KCNAB2: variants seen among roughly 807,000 people sequenced by gnomAD.
KCNAB2 encodes the protein voltage-gated potassium channel subunit beta-2.
A neutral mutation model predicts 63.6 loss-of-function variants in KCNAB2; 29 were observed. The ratio of observed to expected loss-of-function variants is 0.46; its 90% CI spans 0.34 to 0.62. The LOEUF is 0.62. Among genes scored for constraint, KCNAB2 ranks in the 20% least tolerant of loss-of-function variants. The pLI is 0.01. For missense variants in KCNAB2, 359 were observed against 563.9 expected (o/e 0.64, Z 3.68); for synonymous variants, 222 against 224.2 (o/e 0.99, Z 0.09).
intron 1 of KCNAB2, chr1:6,026,096 G>A (rs527980784): frequency 6.5e-6 from 1 of 152,868 alleles, no homozygotes; most frequent in South Asian, 2.0e-4. Context: ...GCCGCTTGGG[G>A]ACAGGCCCGG....
chr1:6,100,289 T>C lies in KCNAB2; in HGVS notation c.*1715T>C. On this transcript the variant is annotated 3_prime_UTR_variant, in exon 16 of 16. Coordinates refer to ENST00000378083, the MANE Select transcript of KCNAB2 (RefSeq NM_001199862.2). ...ATGCTGCCCCTGGCGCCTAGAACCCTTGCCCCTCCTCATAGACCAAGTCCC... is the reference window on the plus strand; with the variant it reads ...ATGCTGCCCCTGGCGCCTAGAACCCCTGCCCCTCCTCATAGACCAAGTCCC... 2.3e-6 allele frequency: 1 copy of C among 438,148 alleles called. No individual in the cohort carries two copies. Among genetic ancestry groups the C allele is most frequent in the Non-Finnish European group, 3.9e-6 (1 of 255,204 alleles). The allele number at this position is 438,148 out of a possible 1,614,324, so 27.1% of individuals were successfully genotyped here. A position where few individuals can be genotyped will look rare whatever the true frequency, so the allele number is the denominator to read the frequency against.
chr1:6,094,630 G>C (rs1160085508), intron 11 of KCNAB2, 145 bp downstream of exon 11: 10 of 655,926 alleles, frequency 1.5e-5, no homozygotes, highest in Non-Finnish European at 2.4e-5. Flanking sequence ...CAGGATGGTG[G>C]AGTGTGGTGG....
At chr1:6,076,615 A>C (rs946849398) in intron 4 of KCNAB2, among the ~76,000 whole-genome samples, 7 of 152,192 alleles carry the variant, frequency 4.6e-5, no homozygotes, top group African/African-American at 1.7e-4. Flanking sequence ...AAACAGGTGC[A>C]GGGGCCTCAC....
intron 1 of KCNAB2, among the ~76,000 whole-genome samples, chr1:6,046,397 G>T (rs992588519): frequency 6.6e-6 from 1 of 152,194 alleles, no homozygotes; most frequent in Non-Finnish European, 1.5e-5. Context: ...GTGGTGGGCG[G>T]CAGGTTTCAG....
chr1:6,062,072 GA>G (rs150354405), intron 2 of KCNAB2, among the ~76,000 whole-genome samples: 4,998 of 152,234 alleles, frequency 0.033, 269 homozygotes, highest in African/African-American at 0.11. Flanking sequence ...CAGCATTTTA[GA>G]AGCCCAAGGC....
chr1:6,036,671 C>A (rs914908582), intron 1 of KCNAB2, among the ~76,000 whole-genome samples: 2 of 151,982 alleles, frequency 1.3e-5, no homozygotes, highest in African/African-American at 4.8e-5. Flanking sequence ...ACTGTGGGGC[C>A]GGTTCACTGG....
chr1:6,097,365 T>C lies in KCNAB2; in HGVS notation c.1158+8T>C, dbSNP rs1010617295. The C allele has an allele frequency of 6.4e-6, 10 of 1,550,580 alleles. No individual in the cohort carries two copies. Among genetic ancestry groups the C allele is most frequent in the Non-Finnish European group, 8.7e-6 (10 of 1,147,098 alleles). ...AACATTGGGGCAATACAGGTAAGAG[T>C]GAGAGGCCCTGCTGGGCAGAGGGCC... On this transcript the variant is annotated splice_region_variant and intron_variant, in intron 15 of 15. Transcript: ENST00000378083.
chr1:6,047,322 G>A (rs546524328), intron 1 of KCNAB2, among the ~76,000 whole-genome samples: 13 of 152,258 alleles, frequency 8.5e-5, no homozygotes, highest in East Asian at 3.9e-4. Flanking sequence ...CTAGAGTCTC[G>A]GCAAAAGCCC....
At chr1:6,015,894 C>T (rs998085498) in intron 1 of KCNAB2, among the ~76,000 whole-genome samples, 11 of 152,104 alleles carry the variant, frequency 7.2e-5, no homozygotes, top group Admixed American at 3.9e-4. Flanking sequence ...TTTGTAGAGA[C>T]GGGGTTTTAC....
chr1:6,061,704 T>A (rs991221803), intron 2 of KCNAB2, among the ~76,000 whole-genome samples: 1 of 152,234 alleles, frequency 6.6e-6, no homozygotes, highest in Non-Finnish European at 1.5e-5. Flanking sequence ...CTGCCACCAA[T>A]TTTCACAGAT....
chr1:6,038,387 C>T (rs1037333578), intron 1 of KCNAB2, among the ~76,000 whole-genome samples: 7 of 151,994 alleles, frequency 4.6e-5, no homozygotes, highest in African/African-American at 1.7e-4. Context: ...ATCTCCCAGG[C>T]TCAAGCAATC....
chr1:6,052,490 A>T (rs1044604253), intron 2 of KCNAB2, among the ~76,000 whole-genome samples: 1 of 151,708 alleles, frequency 6.6e-6, no homozygotes, highest in African/African-American at 2.4e-5. Flanking sequence ...GTGTTTCTCC[A>T]TGGGGAAAAA....
At chr1:6,072,676 G>A in intron 2 of KCNAB2, 79 bp from the exon 3 acceptor site, 4 of 1,466,414 alleles carry the variant, frequency 2.7e-6, no homozygotes, top group African/African-American at 1.4e-5. Flanking sequence ...TGGGTGGGGG[G>A]CTGGCCCTGG....
chr1:6,023,187 G>A (rs754978805), intron 1 of KCNAB2, among the ~76,000 whole-genome samples: 10 of 152,094 alleles, frequency 6.6e-5, no homozygotes, highest in Non-Finnish European at 1.3e-4. Context: ...CAGCCTTTGC[G>A]TATCTTTTTA....
At position 6,081,345 on chromosome 1, in the gene KCNAB2, A is replaced by G. The variant is rs530408698; in HGVS notation, c.301-850A>G. Among the ~76,000 whole-genome samples, 11 of 152,322 alleles carry G rather than the reference A, an allele frequency of 7.2e-5. No homozygotes were observed. The South Asian group carries it at 2.3e-3, about 32-fold the overall frequency. Reference sequence around the variant, plus strand: ...GGGATGTCAGTTGCTCCATCTACAAAAATAACAATTCAGTCCTCATGTGCA... The same window carrying G: ...GGGATGTCAGTTGCTCCATCTACAAGAATAACAATTCAGTCCTCATGTGCA... On this transcript the variant is annotated intron_variant, in intron 4 of 15. Transcript: ENST00000378083.
chr1:6,006,730 C>T (rs186061186), intron 1 of KCNAB2, among the ~76,000 whole-genome samples: 8 of 136,646 alleles, frequency 5.9e-5, no homozygotes, highest in South Asian at 5.1e-4. Flanking sequence ...CAGCTCAGCT[C>T]CCACATTCCC....
intron 1 of KCNAB2, among the ~76,000 whole-genome samples, chr1:6,011,289 C>T (rs1157140989): frequency 3.0e-4 from 42 of 138,412 alleles, no homozygotes; most frequent in African/African-American, 4.1e-4. Flanking sequence ...GCCAGGTGTG[C>T]GGGAGACAGG....
chr1:6,027,266 GTGTGTGT>G, intron 1 of KCNAB2: 1 of 125,566 alleles, frequency 8.0e-6, no homozygotes. Flanking sequence ...GTGTGTGTGT[GTGTGTGT>G]GGACGGCTGA....
At chr1:6,007,883 C>T (rs1176688294) in intron 1 of KCNAB2, among the ~76,000 whole-genome samples, 3 of 152,338 alleles carry the variant, frequency 2.0e-5, no homozygotes, top group Admixed American at 6.5e-5. Context: ...CTCCCTGGCA[C>T]TGCAGCCAGG....
Sources: allele counts gnomAD v4.1 joint callset (sites outside exome capture counted in the v4.1 genomes callset), GRCh38; gene constraint gnomAD v4.1.1; transcripts MANE v1.5; gene names NCBI Gene and HGNC (gene_info 2026-07-23, HGNC 2026-07-21).